ZNF141: variants seen among roughly 807,000 people sequenced by gnomAD.
The protein encoded by ZNF141 is zinc finger protein 141.
In ZNF141, 7 loss-of-function variants were observed where a neutral mutation model predicts 11.3. That is an observed-to-expected ratio of 0.62 (90% CI 0.35 to 1.16). The LOEUF is 1.16. Among genes scored for constraint, ZNF141 ranks in the 50% most tolerant of loss-of-function variants. ZNF141 has a pLI of 0.02. For synonymous variants in ZNF141, 183 were observed against 190.7 expected (o/e 0.96, Z 0.33); for missense variants, 535 against 554.0 (o/e 0.97, Z 0.34).
intron 3 of ZNF141, among the ~76,000 whole-genome samples, chr4:352,717 C>G (rs1721659936): frequency 6.6e-6 from 1 of 152,166 alleles, no homozygotes; most frequent in Non-Finnish European, 1.5e-5. Context: ...CTCATCTTTT[C>G]CCCCACTTTC....
Position 383,439 on chromosome 4 carries a change from C to A in ZNF141, c.*9577C>A, listed in dbSNP as rs1712754328. ...TTGCCACCCTGTAAGTATTGATTTT[C>A]TTTTTTCCTTTATTTAAAGTTAGAT... On this transcript the variant is annotated 3_prime_UTR_variant, in exon 4 of 4. Coordinates refer to ENST00000240499, the MANE Select transcript of ZNF141 (RefSeq NM_003441.4). The A allele has an allele frequency of 5.5e-6, 2 of 364,730 alleles. 1 individual carries two copies. The highest frequency in any genetic ancestry group is 2.4e-4 in the South Asian group (2 of 8,282). The allele number at this position is 364,730 out of a possible 1,614,324, so 22.6% of individuals were successfully genotyped here. A position where few individuals can be genotyped will look rare whatever the true frequency, so the allele number is the denominator to read the frequency against.
Position 371,534 on chromosome 4 carries a change from G to A in ZNF141, c.227-1130G>A, listed in dbSNP as rs549779051. Among the ~76,000 whole-genome samples, 5 of 119,368 alleles carry A rather than the reference G, an allele frequency of 4.2e-5. No homozygotes were observed. The East Asian group carries it at 9.7e-4, about 23-fold the overall frequency. 78.3% of individuals were successfully genotyped at this position (119,368 alleles called of 152,430 possible). A position where few individuals can be genotyped will look rare whatever the true frequency, so the allele number is the denominator to read the frequency against. ...CATGAGCCACCATGCCTCACCTTTT[G>A]TGATAATTTGTGTGTGTGTGTGTGT... is the stretch of plus-strand genomic sequence containing the variant. On this transcript the variant is annotated intron_variant, in intron 3 of 3. Transcript: ENST00000240499.
chr4:369,764 A>ATATATATAT, intron 3 of ZNF141, among the ~76,000 whole-genome samples: 5 of 48,724 alleles, frequency 1.0e-4, no homozygotes, highest in Non-Finnish European at 1.5e-4. Flanking sequence ...ATATATATAT[A>ATATATATAT]TTTTTTTTTT....
At chr4:348,615 T>C (rs992075978) in intron 3 of ZNF141, among the ~76,000 whole-genome samples, 7 of 151,638 alleles carry the variant, frequency 4.6e-5, no homozygotes, top group African/African-American at 1.7e-4. Flanking sequence ...CTCGGGAAGC[T>C]GAGGCAGGAG....
At chr4:346,779 G>C (rs1448848186) in intron 3 of ZNF141, among the ~76,000 whole-genome samples, 2 of 151,526 alleles carry the variant, frequency 1.3e-5, no homozygotes, top group African/African-American at 4.9e-5. Flanking sequence ...GTCTATCCAT[G>C]TTGTAAATGG....
chr4:352,453 G>A (rs1553850628), intron 3 of ZNF141, among the ~76,000 whole-genome samples: 2 of 152,144 alleles, frequency 1.3e-5, no homozygotes, highest in African/African-American at 4.8e-5. Context: ...ATTCAGGATT[G>A]GAGAATGTTT....
chr4:358,468 G>T (rs1352609473), intron 3 of ZNF141: 1 of 213,050 alleles, frequency 4.7e-6, no homozygotes, highest in Non-Finnish European at 9.6e-6. Flanking sequence ...TTACAGGTGT[G>T]AGCCATTGTG....
At chr4:340,644 A>C (rs1013738034) in intron 1 of ZNF141, among the ~76,000 whole-genome samples, 2 of 152,368 alleles carry the variant, frequency 1.3e-5, no homozygotes, top group East Asian at 3.9e-4. Flanking sequence ...CTTTTGTTTG[A>C]GAAATACAAG....
rs1241996131 is a variant in ZNF141, at chr4:376,604, G to C, written c.*2742G>C. Among the ~76,000 whole-genome samples, 1 of 151,956 alleles carries C rather than the reference G, an allele frequency of 6.6e-6. No homozygotes were observed. Among genetic ancestry groups the C allele is most frequent in the Middle Eastern group, 3.2e-3 (1 of 316 alleles). On this transcript the variant is annotated 3_prime_UTR_variant, in exon 4 of 4. Coordinates refer to ENST00000240499, the MANE Select transcript of ZNF141 (RefSeq NM_003441.4). Reference sequence around the variant, plus strand: ...CTTTGAACATGTGGCATCTTTTCCTGCAAACTTATACAAACTTTAGTTCCA... The same window carrying C: ...CTTTGAACATGTGGCATCTTTTCCTCCAAACTTATACAAACTTTAGTTCCA...
At chr4:349,656 T>C (rs138400608) in intron 3 of ZNF141, among the ~76,000 whole-genome samples, 2,026 of 152,288 alleles carry the variant, frequency 0.013, 31 homozygotes, top group South Asian at 0.086. Flanking sequence ...GCTGATGAGA[T>C]TACCTCTGGG....
intron 3 of ZNF141, among the ~76,000 whole-genome samples, chr4:363,586 C>G (rs1192182163): frequency 6.6e-6 from 1 of 152,034 alleles, no homozygotes; most frequent in Admixed American, 6.6e-5. Context: ...GAAACCTCGT[C>G]TGTACTAAAA....
At position 377,236 on chromosome 4, in the gene ZNF141, T is replaced by G. The variant is rs1553854785; in HGVS notation, c.*3374T>G. 6.6e-6 allele frequency among the ~76,000 whole-genome samples: 1 copy of G among 152,184 alleles called. No individual in the cohort carries two copies. Among genetic ancestry groups the G allele is most frequent in the Non-Finnish European group, 1.5e-5 (1 of 68,026 alleles). ...AACTTTGTCAGTCATGGGGATGTTT[T>G]GATCTATTATTGTAGTGAACAAACA... On this transcript the variant is annotated 3_prime_UTR_variant, in exon 4 of 4. Transcript: ENST00000240499.
chr4:352,345 C>T (rs1057274054), intron 3 of ZNF141, among the ~76,000 whole-genome samples: 1 of 152,182 alleles, frequency 6.6e-6, no homozygotes, highest in Admixed American at 6.5e-5. Context: ...CAAGACTATA[C>T]CACTGCGCTC....
chr4:355,047 G>C (rs892508135), intron 3 of ZNF141, among the ~76,000 whole-genome samples: 1 of 151,608 alleles, frequency 6.6e-6, no homozygotes, highest in African/African-American at 2.4e-5. Context: ...CTCCAGTTTA[G>C]TTAACATATG....
intron 3 of ZNF141, among the ~76,000 whole-genome samples, chr4:345,021 G>T (rs546748196): frequency 6.6e-6 from 1 of 152,166 alleles, no homozygotes; most frequent in Admixed American, 6.5e-5. Flanking sequence ...TGATGTGACT[G>T]CTGTTCCATT....
chr4:361,024 G>A (rs1722081479), intron 3 of ZNF141, among the ~76,000 whole-genome samples: 1 of 152,112 alleles, frequency 6.6e-6, no homozygotes, highest in Admixed American at 6.6e-5. Context: ...CTTGTTATTT[G>A]AAGGTGATTT....
intron 3 of ZNF141, among the ~76,000 whole-genome samples, chr4:345,176 C>T (rs1233544741): frequency 2.0e-5 from 3 of 152,092 alleles, no homozygotes; most frequent in Non-Finnish European, 4.4e-5. Flanking sequence ...CCAGGAACAC[C>T]AAGGACAGAT....
chr4:339,993 T>A (rs1274231129), intron 1 of ZNF141, among the ~76,000 whole-genome samples: 2 of 152,244 alleles, frequency 1.3e-5, no homozygotes. Flanking sequence ...AGTCTTCTAC[T>A]TGAGAGCTAA....
At position 373,477 on chromosome 4, in the gene ZNF141, C is replaced by T; in HGVS notation, c.1040C>T (p.Ala347Val). 15 of 1,613,958 alleles carry T rather than the reference C, an allele frequency of 9.3e-6. No homozygotes were observed. The highest frequency in any genetic ancestry group is 1.3e-5 in the Non-Finnish European group (15 of 1,179,978). Residue 347 changes from alanine (A) to valine (V), a missense_variant, in exon 4 of 4, where the codon GCT becomes GTT. By Grantham distance (64) the Ala-to-Val change is moderately conservative. Transcript: ENST00000240499. ...KPYTCEECGK[A>V]FRQSSKLNEH... ...TACACATGTGAAGAATGTGGCAAAG[C>T]TTTTAGACAGTCCTCAAAACTGAAT...
Sources: gnomAD v4.1 joint callset for allele counts (sites outside exome capture counted in the v4.1 genomes callset) on GRCh38, gnomAD v4.1.1 for gene constraint, MANE v1.5 for transcripts, NCBI Gene and HGNC (gene_info 2026-07-23, HGNC 2026-07-21) for gene names.